Variants in AVEN observed in about 807,000 individuals in gnomAD.
The protein encoded by AVEN is cell death regulator Aven.
A neutral mutation model predicts 38.1 loss-of-function variants in AVEN; 41 were observed. The ratio of observed to expected loss-of-function variants is 1.08; its 90% CI spans 0.84 to 1.40. AVEN has a LOEUF of 1.40. Among genes scored for constraint, AVEN ranks in the 40% most tolerant of loss-of-function variants. AVEN has a pLI of 0.00. For synonymous variants in AVEN, 206 were observed against 171.8 expected (o/e 1.20, Z -1.56); for missense variants, 605 against 438.8 (o/e 1.38, Z -3.38).
chr15:33,864,881 T>A (rs375872684), downstream of AVEN: 2 of 451,372 alleles, frequency 4.4e-6, no homozygotes, highest in African/African-American at 3.9e-5. Flanking sequence ...AAACATTGAT[T>A]GGTTTCAGTT....
At chr15:34,062,743 C>T (rs772815473) in intron 5 of AVEN, 10 of 1,612,274 alleles carry the variant, frequency 6.2e-6, no homozygotes, top group Non-Finnish European at 7.6e-6. Flanking sequence ...TACCACAATG[C>T]AACCACCGTC....
intron 2 of AVEN, among the ~76,000 whole-genome samples, chr15:33,890,313 A>C (rs1171558599): frequency 1.3e-5 from 2 of 152,058 alleles, no homozygotes; most frequent in Admixed American, 1.3e-4. Context: ...TTTTATTACT[A>C]CTCTTGTGAC....
intron 2 of AVEN, among the ~76,000 whole-genome samples, chr15:34,001,991 T>C (rs962889305): frequency 6.6e-6 from 1 of 152,194 alleles, no homozygotes; most frequent in African/African-American, 2.4e-5. Context: ...CTGGCAATAA[T>C]TATTTAGCGA....
rs369812380 is a variant in AVEN at position 33,958,925 on chromosome 15, T to C, written c.445+44107A>G. ...TCTAGAGCATAAAATCTTCACTCCATAGTGGGGCACCAAAAACCTTTGGTG... is the reference window on the plus strand; with the variant it reads ...TCTAGAGCATAAAATCTTCACTCCACAGTGGGGCACCAAAAACCTTTGGTG... On this transcript the variant is annotated intron_variant, in intron 2 of 5. Transcript: ENST00000306730. 6.6e-5 allele frequency among the ~76,000 whole-genome samples: 10 copies of C among 152,162 alleles called. No homozygotes were observed. In the East Asian group the frequency reaches 9.6e-4, roughly 15 times the overall value.
At chr15:33,906,644 C>A (rs1275141800) in intron 2 of AVEN, among the ~76,000 whole-genome samples, 1 of 152,130 alleles carries the variant, frequency 6.6e-6, no homozygotes, top group Non-Finnish European at 1.5e-5. Context: ...CAGACAAATG[C>A]TATATGATTC....
chr15:34,053,841 A>T (rs1024515539), intron 5 of AVEN, among the ~76,000 whole-genome samples: 1 of 152,176 alleles, frequency 6.6e-6, no homozygotes, highest in Non-Finnish European at 1.5e-5. Flanking sequence ...ATCTAATTAA[A>T]CTAAAGAGCC....
chr15:34,070,393 C>G (rs187161931), intron 2 of AVEN, among the ~76,000 whole-genome samples: 3 of 149,462 alleles, frequency 2.0e-5, no homozygotes, highest in East Asian at 3.9e-4. Context: ...TTTTTTAAAT[C>G]GAACTCTTTT....
rs761903485 is a variant in AVEN at position 33,866,717 on chromosome 15, G to C, written c.985C>G (p.Pro329Ala). The C allele has an allele frequency of 2.7e-5, 43 of 1,612,994 alleles. No homozygotes were observed. Among genetic ancestry groups the C allele is most frequent in the Non-Finnish European group, 3.5e-5 (41 of 1,179,286 alleles). Residue 329 changes from proline (P) to alanine (A), a missense_variant, in exon 6 of 6, where the codon CCA (proline) becomes GCA (alanine). Physicochemically the swap from Pro to Ala is conservative, Grantham distance 27 (BLOSUM62 -1). Transcript: ENST00000306730. ...ATGTTTTTTTCTTCAGTCACAGATG[G>C]TTTTGCACAAACTGGGGGAAAAAAA... is the stretch of plus-strand genomic sequence containing the variant. Reference protein sequence around the residue: ...VVQEEEVCAKPSVTEEKNMEP... With the variant: ...VVQEEEVCAKASVTEEKNMEP...
upstream of AVEN, among the ~76,000 whole-genome samples, chr15:34,039,867 T>C (rs76745920): frequency 0.032 from 4,905 of 152,194 alleles, 276 homozygotes; most frequent in African/African-American, 0.11. Context: ...AATAACTAGG[T>C]AGTGGTGGAA....
At chr15:33,939,830 T>A (rs1420852047) in intron 2 of AVEN, among the ~76,000 whole-genome samples, 1 of 152,174 alleles carries the variant, frequency 6.6e-6, no homozygotes. Context: ...TTAGAAGAAG[T>A]CATGAGGGAG....
chr15:33,858,174 T>C (rs1415434159), downstream of AVEN: 1 of 421,006 alleles, frequency 2.4e-6, no homozygotes, highest in African/African-American at 2.0e-5. Flanking sequence ...AGTGGCGTCA[T>C]CATTCATCTA....
At position 33,933,516 on chromosome 15, in the gene AVEN, CACACACACAGAGAGAGAG is replaced by C. The variant is rs1204946300; in HGVS notation, c.446-57539_446-57522del. On this transcript the variant is annotated intron_variant, in intron 2 of 5. Transcript: ENST00000306730. ...TCACACACACACACACACACACACA[CACACACACAGAGAGAGAG>C]AGAGAGAGAGAGAGAGAGAGAGAGA... is the stretch of plus-strand genomic sequence containing the variant. 4.1e-4 allele frequency among the ~76,000 whole-genome samples: 49 copies of C among 120,106 alleles called. 1 individual carries two copies. Among genetic ancestry groups the C allele is most frequent in the African/African-American group, 1.5e-3 (47 of 30,384 alleles). The allele number at this position is 120,106 out of a possible 152,430, so 78.8% of individuals were successfully genotyped here. A position where few individuals can be genotyped will look rare whatever the true frequency, so the allele number is the denominator to read the frequency against.
chr15:33,877,791 A>C (rs1342816912), intron 2 of AVEN, among the ~76,000 whole-genome samples: 1 of 151,238 alleles, frequency 6.6e-6, no homozygotes, highest in Admixed American at 6.6e-5. Flanking sequence ...TCTACTAAAA[A>C]TACAAAAAAT....
chr15:34,038,844 C>G lies in AVEN; in HGVS notation c.203G>C (p.Gly68Ala). ...GFRGARGGRG[G>A]GGAPRGSRRE... The stretch of plus-strand genomic sequence containing the variant: ...GCGGCTGCCTCGCGGGGCGCCTCCT[C>G]CTCCTCGGCCTCCGCGAGCGCCGCG... Residue 68 changes from glycine to alanine, a missense_variant, in exon 1 of 6, where the codon GGA becomes GCA. Coordinates refer to ENST00000306730, the MANE Select transcript of AVEN (RefSeq NM_020371.3). The G allele has an allele frequency of 3.4e-6, 4 of 1,170,270 alleles. No homozygotes were observed. The highest frequency in any genetic ancestry group is 4.2e-6 in the Non-Finnish European group (4 of 950,928). The allele number at this position is 1,170,270 out of a possible 1,614,324, so 72.5% of individuals were successfully genotyped here. A position where few individuals can be genotyped will look rare whatever the true frequency, so the allele number is the denominator to read the frequency against.
chr15:33,954,211 A>G (rs1894866353), intron 2 of AVEN, among the ~76,000 whole-genome samples: 1 of 152,240 alleles, frequency 6.6e-6, no homozygotes, highest in South Asian at 2.1e-4. Flanking sequence ...GCAGGAGTGT[A>G]AACAAGTTCA....
intron 5 of AVEN, among the ~76,000 whole-genome samples, chr15:34,056,406 A>G (rs572996311): frequency 6.6e-6 from 1 of 152,306 alleles, no homozygotes; most frequent in East Asian, 1.9e-4. Flanking sequence ...ATTCCACAGG[A>G]TATTAACAGA....
At chr15:33,994,086 C>G (rs1473900774) in intron 2 of AVEN, among the ~76,000 whole-genome samples, 1 of 152,240 alleles carries the variant, frequency 6.6e-6, no homozygotes, top group Non-Finnish European at 1.5e-5. Flanking sequence ...GACCATGGAT[C>G]AGTACCGGTC....
chr15:34,055,764 G>C (rs532703774), intron 5 of AVEN, among the ~76,000 whole-genome samples: 1 of 152,198 alleles, frequency 6.6e-6, no homozygotes, highest in East Asian at 1.9e-4. Flanking sequence ...TCACACCACT[G>C]CACTCCAGCC....
At chr15:33,976,467 C>T (rs1680617076) in intron 2 of AVEN, among the ~76,000 whole-genome samples, 2 of 34,914 alleles carry the variant, frequency 5.7e-5, no homozygotes, top group South Asian at 4.4e-3. Context: ...TATTACACAG[C>T]TTTAATATAA....
Sources: allele counts gnomAD v4.1 joint callset (sites outside exome capture counted in the v4.1 genomes callset), GRCh38; gene constraint gnomAD v4.1.1; transcripts MANE v1.5; gene names NCBI Gene and HGNC (gene_info 2026-07-23, HGNC 2026-07-21).